Variants in CARMIL1 observed in about 807,000 individuals in gnomAD.
The protein encoded by CARMIL1 is capping protein regulator and myosin 1 linker 1.
In CARMIL1, 90 loss-of-function variants were observed where a neutral mutation model predicts 177.1. That is an observed-to-expected ratio of 0.51 (90% CI 0.43 to 0.61). The LOEUF is 0.61. Ranked by LOEUF, CARMIL1 falls within the 20% of genes least tolerant of loss-of-function variation. The probability of loss-of-function intolerance (pLI) is 0.00; values close to 1 mark genes in which losing one functional copy is unlikely to be tolerated. For missense variants in CARMIL1, 1,380 were observed against 1,667.0 expected, an observed-to-expected ratio of 0.83 and a Z score of 3.00; for synonymous variants, 577 against 606.2, an observed-to-expected ratio of 0.95 and a Z score of 0.71.
chr6:25,516,251 A>G (rs1309100171), intron 21 of CARMIL1, among the ~76,000 whole-genome samples: 1 of 152,000 alleles, frequency 6.6e-6, no homozygotes, highest in Non-Finnish European at 1.5e-5. Flanking sequence ...CTGCCGATAT[A>G]AAGACTTAAA....
At chr6:25,417,816 T>C (rs1349848032) in intron 2 of CARMIL1, among the ~76,000 whole-genome samples, 3 of 152,272 alleles carry the variant, frequency 2.0e-5, no homozygotes, top group Middle Eastern at 3.4e-3. Context: ...CATCACTGAG[T>C]CTCAATTTAC....
At chr6:25,553,158 T>C (rs1341340981) in intron 27 of CARMIL1, among the ~76,000 whole-genome samples, 2 of 152,204 alleles carry the variant, frequency 1.3e-5, no homozygotes, top group Non-Finnish European at 2.9e-5. Flanking sequence ...TACATGAATA[T>C]ATTTTCAACG....
chr6:25,426,140 G>A (rs1408660109), intron 3 of CARMIL1, among the ~76,000 whole-genome samples: 1 of 152,140 alleles, frequency 6.6e-6, no homozygotes, highest in Non-Finnish European at 1.5e-5. Context: ...TATTAGGTTC[G>A]TGCCAAAGTA....
At chr6:25,305,090 G>T (rs1367884340) in intron 2 of CARMIL1, among the ~76,000 whole-genome samples, 2 of 152,174 alleles carry the variant, frequency 1.3e-5, no homozygotes, top group Non-Finnish European at 2.9e-5. Flanking sequence ...ACTGTGAGAA[G>T]AATTATCTTC....
intron 29 of CARMIL1, among the ~76,000 whole-genome samples, chr6:25,561,028 C>G (rs1289098928): frequency 6.6e-6 from 1 of 152,110 alleles, no homozygotes; most frequent in Admixed American, 6.6e-5. Flanking sequence ...ATTAGTTTTC[C>G]TATATGCTTC....
chr6:25,434,614 C>T (rs7760659), intron 4 of CARMIL1, among the ~76,000 whole-genome samples: 14,305 of 151,192 alleles, frequency 0.095, 716 homozygotes, highest in African/African-American at 0.12. Flanking sequence ...ACCTCCGCCT[C>T]CTGGGTTCAA....
intron 8 of CARMIL1, among the ~76,000 whole-genome samples, chr6:25,464,012 C>T (rs929669639): frequency 1.4e-4 from 22 of 151,790 alleles, no homozygotes; most frequent in Admixed American, 4.6e-4. Context: ...TTAGTAGAGA[C>T]GGGGTTTCAC....
rs1036608801 is a variant in CARMIL1 at position 25,496,665 on chromosome 6, A to C, written c.1325+1450A>C. 2.0e-5 allele frequency among the ~76,000 whole-genome samples: 3 copies of C among 152,222 alleles called. 1 individual carries two copies. Among genetic ancestry groups the C allele is most frequent in the Admixed American group, 1.3e-4 (2 of 15,272 alleles). ...GAAAGCTATCAGAATTGTATTCTAA[A>C]GTTCCATTATAATCATTCTCATTTA... On this transcript the variant is annotated intron_variant, in intron 16 of 36. Transcript: ENST00000329474.
At position 25,346,597 on chromosome 6, in the gene CARMIL1, C is replaced by G. The variant is rs114970221; in HGVS notation, c.138+61688C>G. ...ATTTATCTTATTCCTTGTCTCTTTTCTCTCCTACTGGAGTGTAAGTTCCAC... is the reference window on the plus strand; with the variant it reads ...ATTTATCTTATTCCTTGTCTCTTTTGTCTCCTACTGGAGTGTAAGTTCCAC... On this transcript the variant is annotated intron_variant, in intron 2 of 36. Coordinates refer to ENST00000329474, the MANE Select transcript of CARMIL1 (RefSeq NM_017640.6). Among the ~76,000 whole-genome samples, 299 of 152,318 alleles carry G rather than the reference C, an allele frequency of 2.0e-3. 1 individual carries two copies. The highest frequency in any genetic ancestry group is 6.6e-3 in the African/African-American group (274 of 41,568).
chr6:25,390,759 C>T (rs1297973518), intron 2 of CARMIL1, among the ~76,000 whole-genome samples: 1 of 151,830 alleles, frequency 6.6e-6, no homozygotes, highest in Admixed American at 6.6e-5. Context: ...GGTGTGATCT[C>T]GGCTCATTGT....
chr6:25,323,713 A>C (rs1399507721), intron 2 of CARMIL1, among the ~76,000 whole-genome samples: 1 of 152,238 alleles, frequency 6.6e-6, no homozygotes, highest in Admixed American at 6.5e-5. Flanking sequence ...AAGTAACATG[A>C]CAGCTTATTT....
chr6:25,441,266 C>T (rs1284083940), intron 5 of CARMIL1, among the ~76,000 whole-genome samples: 1 of 150,462 alleles, frequency 6.6e-6, no homozygotes, highest in Non-Finnish European at 1.5e-5. Flanking sequence ...CACCACTACA[C>T]TCCAGCCTGG....
At chr6:25,536,818 G>C (rs1357612443) in intron 24 of CARMIL1, among the ~76,000 whole-genome samples, 1 of 152,170 alleles carries the variant, frequency 6.6e-6, no homozygotes, top group Non-Finnish European at 1.5e-5. Context: ...TCAAAATAGA[G>C]AAGTGTGAAT....
chr6:25,472,139 T>A (rs1446983257), intron 10 of CARMIL1, among the ~76,000 whole-genome samples: 1 of 151,952 alleles, frequency 6.6e-6, no homozygotes, highest in Non-Finnish European at 1.5e-5. Flanking sequence ...TTTTTTAAAT[T>A]ATGGAGGGGC....
chr6:25,618,848 G>A (rs1377682976), intron 36 of CARMIL1, among the ~76,000 whole-genome samples: 2 of 152,200 alleles, frequency 1.3e-5, no homozygotes, highest in East Asian at 3.8e-4. Context: ...AGTATTTAAT[G>A]CTTTTTCACT....
At chr6:25,482,710 C>T (rs1319226742) in intron 12 of CARMIL1, among the ~76,000 whole-genome samples, 1 of 152,196 alleles carries the variant, frequency 6.6e-6, no homozygotes, top group Non-Finnish European at 1.5e-5. Context: ...GATAGACTGT[C>T]TGCTTTACAG....
At chr6:25,529,289 T>TA (rs2151099410) in intron 24 of CARMIL1, among the ~76,000 whole-genome samples, 1 of 151,980 alleles carries the variant, frequency 6.6e-6, no homozygotes, top group East Asian at 1.9e-4. Flanking sequence ...TCAGGTTCAT[T>TA]AAAAAAAGAA....
chr6:25,375,457 G>T (rs765110761), intron 2 of CARMIL1, among the ~76,000 whole-genome samples: 1 of 152,164 alleles, frequency 6.6e-6, no homozygotes, highest in South Asian at 2.1e-4. Flanking sequence ...CCTGATGACT[G>T]TATGCCTTGA....
chr6:25,351,241 CATT>C (rs1788077511), intron 2 of CARMIL1, among the ~76,000 whole-genome samples: 1 of 149,530 alleles, frequency 6.7e-6, no homozygotes. Flanking sequence ...TAAAATGTCT[CATT>C]AATAATTTTT....
Sources: allele counts gnomAD v4.1 joint callset (sites outside exome capture counted in the v4.1 genomes callset), GRCh38; gene constraint gnomAD v4.1.1; transcripts MANE v1.5; gene names NCBI Gene and HGNC (gene_info 2026-07-23, HGNC 2026-07-21).